ST3GAL1: variants seen among roughly 807,000 people sequenced by gnomAD.
The protein encoded by ST3GAL1 is CMP-N-acetylneuraminate-beta-galactosamide-alpha-2,3-sialyltransferase 1.
Under a neutral mutation model 34.1 loss-of-function variants are expected in ST3GAL1, and 16 were observed. The ratio of observed to expected loss-of-function variants is 0.47; its 90% confidence interval spans 0.32 to 0.71. ST3GAL1 has a LOEUF of 0.71. Ranked by LOEUF, ST3GAL1 falls within the 30% of genes least tolerant of loss-of-function variation. ST3GAL1 has a pLI of 0.04. For synonymous variants in ST3GAL1, 191 were observed against 184.7 expected (o/e 1.03, Z -0.28); for missense variants, 353 against 447.4 (o/e 0.79, Z 1.90).
intron 2 of ST3GAL1, among the ~76,000 whole-genome samples, chr8:133,513,115 T>C (rs17664714): frequency 3.7e-4 from 57 of 152,128 alleles, no homozygotes; most frequent in Non-Finnish European, 6.9e-4. Flanking sequence ...CGGTCATCAA[T>C]GTCAGTGGAA....
intron 9 of ST3GAL1, among the ~76,000 whole-genome samples, chr8:133,460,784 G>A (rs1275946119): frequency 2.6e-5 from 4 of 152,168 alleles, no homozygotes; most frequent in African/African-American, 9.6e-5. Flanking sequence ...GGTGGCATGT[G>A]AGTTGGGTCT....
intron 2 of ST3GAL1, among the ~76,000 whole-genome samples, chr8:133,516,022 T>C (rs1339384899): frequency 6.6e-6 from 1 of 152,074 alleles, no homozygotes; most frequent in Non-Finnish European, 1.5e-5. Flanking sequence ...GCCTGGCTAA[T>C]TTTTGTACTT....
intron 2 of ST3GAL1, among the ~76,000 whole-genome samples, chr8:133,523,386 C>T (rs1325729609): frequency 6.6e-6 from 1 of 152,194 alleles, no homozygotes; most frequent in East Asian, 1.9e-4. Context: ...CACAGCCAAA[C>T]CACCTGAGCC....
At chr8:133,566,672 A>G (rs1184706653) in intron 1 of ST3GAL1, among the ~76,000 whole-genome samples, 1 of 152,236 alleles carries the variant, frequency 6.6e-6, no homozygotes, top group Non-Finnish European at 1.5e-5. Flanking sequence ...GCCACCTGCC[A>G]TGCCACCCTC....
chr8:133,540,549 G>A (rs556379176), intron 2 of ST3GAL1, among the ~76,000 whole-genome samples: 182 of 151,952 alleles, frequency 1.2e-3, no homozygotes, highest in African/African-American at 4.3e-3. Context: ...TTGATCAACA[G>A]CCCCTGCTCT....
intron 5 of ST3GAL1, among the ~76,000 whole-genome samples, chr8:133,470,657 T>TGTCCATGGTGG (rs1317200700): frequency 7.8e-4 from 118 of 152,092 alleles, no homozygotes; most frequent in African/African-American, 2.5e-3. Context: ...CGGATGCAGG[T>TGTCCATGGTGG]GTCCATGGTG....
intron 3 of ST3GAL1, among the ~76,000 whole-genome samples, chr8:133,478,369 CTTG>C (rs1816257152): frequency 1.3e-5 from 2 of 152,174 alleles, no homozygotes; most frequent in South Asian, 4.1e-4. Flanking sequence ...CTCTGGCTGG[CTTG>C]TTGTTGACAT....
rs928207185 is a variant in ST3GAL1, at chr8:133,461,366, C to T, written c.849+509G>A. Reference sequence around the variant, plus strand: ...AAGTGGAAACCCGAACACAGCCTAGCGGACAGCGAAGGACATGGGAAGGCA... The same window carrying T: ...AAGTGGAAACCCGAACACAGCCTAGTGGACAGCGAAGGACATGGGAAGGCA... On this transcript the variant is annotated intron_variant, in intron 9 of 9. Coordinates refer to ENST00000522652, the MANE Select transcript of ST3GAL1 (RefSeq NM_173344.3). The surrounding 1 kb of genome is among the most constrained non-coding windows in gnomAD (Gnocchi z 4.7). Among the ~76,000 whole-genome samples, 10 of 152,126 alleles carry T rather than the reference C, an allele frequency of 6.6e-5. No homozygotes were observed. The highest frequency in any genetic ancestry group is 1.9e-4 in the African/African-American group (8 of 41,420).
At chr8:133,480,396 C>T (rs762081563) in intron 3 of ST3GAL1, among the ~76,000 whole-genome samples, 8 of 152,166 alleles carry the variant, frequency 5.3e-5, no homozygotes, top group Non-Finnish European at 1.0e-4. Context: ...AGGAACCACA[C>T]GGGGTTTTGA....
At chr8:133,521,253 C>T (rs1817799765) in intron 2 of ST3GAL1, among the ~76,000 whole-genome samples, 1 of 151,302 alleles carries the variant, frequency 6.6e-6, no homozygotes, top group Non-Finnish European at 1.5e-5. Context: ...CCTGCCTCAG[C>T]CTCCCAAGTA....
At chr8:133,560,269 A>G in intron 1 of ST3GAL1, among the ~76,000 whole-genome samples, 1 of 152,186 alleles carries the variant, frequency 6.6e-6, no homozygotes, top group Non-Finnish European at 1.5e-5. Context: ...CTAAAAAAAA[A>G]AACACACTGA....
chr8:133,477,519 C>T (rs1453915841), intron 3 of ST3GAL1, among the ~76,000 whole-genome samples: 1 of 151,120 alleles, frequency 6.6e-6, no homozygotes, highest in Non-Finnish European at 1.5e-5. Flanking sequence ...TGATTCCTTA[C>T]ATCGGGAGGG....
rs76189656 is a variant in ST3GAL1, at chr8:133,494,582, G to A, written c.-374+4553C>T. On this transcript the variant is annotated intron_variant, in intron 3 of 9. Transcript: ENST00000522652. ...TTTCTGCTTATGCCCCTACCTACCT[G>A]AAGCCTCCAGTGGGTTCTCTGCACA... Among the ~76,000 whole-genome samples the A allele has an allele frequency of 9.4e-3, 1,434 of 152,250 alleles. 21 individuals are homozygous for A. The highest frequency in any genetic ancestry group is 0.033 in the African/African-American group (1,365 of 41,542).
chr8:133,519,203 C>G (rs541462573), intron 2 of ST3GAL1, among the ~76,000 whole-genome samples: 2 of 152,286 alleles, frequency 1.3e-5, no homozygotes, highest in Middle Eastern at 3.4e-3. Context: ...CACCTACTAG[C>G]CTGGCAAAAA....
intron 3 of ST3GAL1, among the ~76,000 whole-genome samples, chr8:133,478,065 C>T (rs945177617): frequency 1.3e-5 from 2 of 152,138 alleles, no homozygotes; most frequent in Middle Eastern, 3.2e-3. Context: ...CAGTTGGCAA[C>T]GTCATTTTTA....
At chr8:133,481,449 CCTTT>C (rs1213029633) in intron 3 of ST3GAL1, among the ~76,000 whole-genome samples, 1 of 152,018 alleles carries the variant, frequency 6.6e-6, no homozygotes, top group Non-Finnish European at 1.5e-5. Flanking sequence ...AACTTTTTAG[CCTTT>C]CTTTTTTGTT....
At position 133,545,790 on chromosome 8, in the gene ST3GAL1, A is replaced by G. The variant is rs1255203868; in HGVS notation, c.-445T>C. 1.3e-5 allele frequency: 2 copies of G among 152,112 alleles called. No homozygotes were observed. Among genetic ancestry groups the G allele is most frequent in the African/African-American group, 4.8e-5 (2 of 41,412 alleles). 9.4% of individuals were successfully genotyped at this position (152,112 alleles called of 1,614,324 possible). On this transcript the variant is annotated 5_prime_UTR_variant, in exon 2 of 10. Transcript: ENST00000522652. ...TCACTTTACCTCCATAGGCTGAGTG[A>G]CCGTCCATCTCTGGTCCCCAAATGG...
chr8:133,488,993 G>A (rs536462421), intron 3 of ST3GAL1, among the ~76,000 whole-genome samples: 7 of 152,268 alleles, frequency 4.6e-5, no homozygotes, highest in South Asian at 4.2e-4. Context: ...CTGCCTTGGC[G>A]CCCTCCCTGT....
chr8:133,502,416 GAT>G (rs1185060943), intron 2 of ST3GAL1, among the ~76,000 whole-genome samples: 4 of 126,918 alleles, frequency 3.2e-5, no homozygotes, highest in Admixed American at 8.0e-5. Flanking sequence ...TGCTAGAATT[GAT>G]GTCCTTATAA....
Sources: gnomAD v4.1 joint callset for allele counts (sites outside exome capture counted in the v4.1 genomes callset) on GRCh38, gnomAD v4.1.1 for gene constraint, Gnocchi (gnomAD v3.1) non-coding constraint, MANE v1.5 for transcripts, NCBI Gene and HGNC (gene_info 2026-07-23, HGNC 2026-07-21) for gene names.